DCTN2: variants seen among roughly 807,000 people sequenced by gnomAD.
DCTN2 encodes dynactin subunit 2.
DCTN2 carries 18 observed loss-of-function variants against 55.4 expected under a neutral mutation model. The observed-to-expected ratio is 0.32, with a 90% confidence interval of 0.22 to 0.48. The LOEUF is 0.48. DCTN2 is among the 20% of genes least tolerant of loss of function. The pLI is 0.99. For missense variants in DCTN2, 390 were observed against 491.0 expected (o/e 0.79, Z 1.94); for synonymous variants, 168 against 185.2 (o/e 0.91, Z 0.76).
At chr12:57,542,386 T>G (rs1027811552) in intron 2 of DCTN2, among the ~76,000 whole-genome samples, 37 of 152,344 alleles carry the variant, frequency 2.4e-4, no homozygotes, top group African/African-American at 8.2e-4. Context: ...TTAAGTTAAA[T>G]TAGCAATTTA....
At chr12:57,546,936 C>A in intron 1 of DCTN2, 92 bp downstream of exon 1, 7 of 1,062,186 alleles carry the variant, frequency 6.6e-6, no homozygotes, top group Non-Finnish European at 8.5e-6. Flanking sequence ...GGATGGGCTG[C>A]AGGCGGGAGG....
intron 2 of DCTN2, among the ~76,000 whole-genome samples, chr12:57,540,746 T>A (rs1209370403): frequency 6.6e-6 from 1 of 152,202 alleles, no homozygotes; most frequent in Admixed American, 6.5e-5. Flanking sequence ...ATCAATATAT[T>A]GCTGACCATC....
In DCTN2 at chr12:57,533,836, A is replaced by AAGAGGAATC. The variant is rs967147451; in HGVS notation, c.669+108_669+116dup. The AAGAGGAATC allele has an allele frequency of 3.7e-6, 4 of 1,095,002 alleles. No homozygotes were observed. The African/African-American group carries it at 6.4e-5, about 18-fold the overall frequency. The allele number at this position is 1,095,002 out of a possible 1,614,324, so 67.8% of individuals were successfully genotyped here. ...TCAGGAATCAAAAGAGGAATCAATC[A>AAGAGGAATC]AGAGGAATCAGAGGAATCAGAAGCC... On this transcript the variant is annotated intron_variant, in intron 7 of 13. Transcript: ENST00000548249.
At chr12:57,530,806 G>A in intron 13 of DCTN2, 31 bp from the exon 14 acceptor site, 1 of 1,559,290 alleles carries the variant, frequency 6.4e-7, no homozygotes, top group Non-Finnish European at 8.8e-7. Flanking sequence ...TTTACTCTTT[G>A]TCAGGTCCAG....
At chr12:57,535,655 C>T in intron 3 of DCTN2, 94 bp downstream of exon 3, 1 of 1,517,788 alleles carries the variant, frequency 6.6e-7, no homozygotes, top group Non-Finnish European at 9.1e-7. Flanking sequence ...GACCCCTTCC[C>T]CCAAGCACAA....
intron 7 of DCTN2, 91 bp from the exon 8 acceptor site, chr12:57,533,394 A>G: frequency 8.6e-7 from 1 of 1,167,136 alleles, no homozygotes; most frequent in Non-Finnish European, 1.3e-6. Flanking sequence ...CCTGCCACTC[A>G]CCACCCCAAG....
intron 2 of DCTN2, chr12:57,542,940 A>G (rs1237572971): frequency 6.6e-6 from 3 of 455,916 alleles, no homozygotes; most frequent in Non-Finnish European, 1.3e-5. Flanking sequence ...ATTTTTCACT[A>G]CTTACCCTTG....
chr12:57,532,289 C>T lies in DCTN2; in HGVS notation c.951G>A (p.Gln317=). ...GGGTGGAGGCAATGGGGCTCCAGCG[C>T]TGTATAGTTTCATATAGCTGGTGCA... ...SKVHQLYETI[Q]RWSPIASTLP... The change falls in exon 12 of 14, where the codon CAG becomes CAA. Residue 317 remains glutamine (Q), a synonymous_variant. Coordinates refer to ENST00000548249, the MANE Select transcript of DCTN2 (RefSeq NM_001261413.2). 2 of 1,562,436 alleles carry T rather than the reference C, an allele frequency of 1.3e-6. No individual in the cohort carries two copies. The highest frequency in any genetic ancestry group is 2.4e-5 in the East Asian group (1 of 41,818).
At chr12:57,533,484 G>C (rs1879929484) in intron 7 of DCTN2, among the ~76,000 whole-genome samples, 181 bp from the exon 8 acceptor site, 1 of 152,172 alleles carries the variant, frequency 6.6e-6, no homozygotes, top group South Asian at 2.1e-4. Context: ...GAAACATAGA[G>C]AATGAGGTCG....
intron 1 of DCTN2, 83 bp downstream of exon 1, chr12:57,546,945 G>T (rs559211226): frequency 0.013 from 14,227 of 1,118,310 alleles, 135 homozygotes; most frequent in Non-Finnish European, 0.013. Flanking sequence ...GCAGGCGGGA[G>T]GGGTCGCGGG....
chr12:57,539,500 T>G (rs937148500), intron 2 of DCTN2, among the ~76,000 whole-genome samples: 50 of 152,292 alleles, frequency 3.3e-4, no homozygotes, highest in African/African-American at 9.9e-4. Context: ...GCCACATAGA[T>G]AAGGCTCCCA....
chr12:57,533,546 C>T (rs867580848), intron 7 of DCTN2, among the ~76,000 whole-genome samples: 1 of 152,048 alleles, frequency 6.6e-6, no homozygotes, highest in Non-Finnish European at 1.5e-5. Flanking sequence ...CCGAGGCGGG[C>T]GGATCACGAG....
chr12:57,539,712 C>T (rs960102582), intron 2 of DCTN2, among the ~76,000 whole-genome samples: 2 of 152,082 alleles, frequency 1.3e-5, no homozygotes, highest in African/African-American at 4.8e-5. Flanking sequence ...GTTCCCTAGA[C>T]GATGCTAGGG....
At chr12:57,538,708 C>T (rs1319806198) in intron 2 of DCTN2, 3 of 585,734 alleles carry the variant, frequency 5.1e-6, no homozygotes, top group Non-Finnish European at 9.2e-6. Flanking sequence ...ATTTAGGGGC[C>T]AAGAAATTTC....
chr12:57,531,660 C>T (rs556525979), intron 13 of DCTN2, among the ~76,000 whole-genome samples: 1 of 152,160 alleles, frequency 6.6e-6, no homozygotes, highest in African/African-American at 2.4e-5. Context: ...CTTCAAAGCC[C>T]GGATTCCTTC....
intron 2 of DCTN2, among the ~76,000 whole-genome samples, chr12:57,544,418 G>C (rs1880971434): frequency 6.9e-6 from 1 of 144,608 alleles, no homozygotes; most frequent in Non-Finnish European, 1.5e-5. Context: ...TTGTTGTACT[G>C]GTTTTTTTTT....
At position 57,534,342 on chromosome 12, in the gene DCTN2, C is replaced by T. The variant is rs1489689644; in HGVS notation, c.474G>A (p.Leu158=). The part of the protein sequence containing the change: ...QLVASHLEKL[L]GPDAAINLTD... ...TAAGGTTGATTGCAGCATCTGGTCC[C>T]AGCAGCTTCTCCAGGTGGGAAGCAA... Residue 158 remains leucine, a synonymous_variant, in exon 6 of 14, where the codon CTG becomes CTA. Transcript: ENST00000548249. The T allele has an allele frequency of 6.2e-7, 1 of 1,612,254 alleles. No individual in the cohort carries two copies. Among genetic ancestry groups the T allele is most frequent in the Non-Finnish European group, 8.5e-7 (1 of 1,178,764 alleles).
intron 2 of DCTN2, 139 bp from the exon 3 acceptor site, chr12:57,535,984 G>A (rs1200453288): frequency 2.0e-5 from 13 of 661,402 alleles, no homozygotes; most frequent in South Asian, 7.5e-5. Flanking sequence ...ATTCCAAGGC[G>A]CCTACCCAGG....
chr12:57,535,015 G>C, intron 5 of DCTN2, 41 bp downstream of exon 5: 3 of 1,517,494 alleles, frequency 2.0e-6, no homozygotes, highest in Non-Finnish European at 2.7e-6. Flanking sequence ...CCTCTACTGT[G>C]TAAGTCACAG....
Sources: allele counts gnomAD v4.1 joint callset (sites outside exome capture counted in the v4.1 genomes callset), GRCh38; gene constraint gnomAD v4.1.1; transcripts MANE v1.5; gene names NCBI Gene and HGNC (gene_info 2026-07-23, HGNC 2026-07-21).